Variants in CCNT2 observed in about 807,000 individuals in gnomAD.
CCNT2 encodes cyclin-T2.
A neutral mutation model predicts 70.0 loss-of-function variants in CCNT2; 18 were observed. The ratio of observed to expected loss-of-function variants is 0.26; its 90% confidence interval spans 0.18 to 0.38. The LOEUF (loss-of-function observed/expected upper bound fraction) is 0.38, where lower values mean the gene tolerates loss of function less well. Ranked by LOEUF, CCNT2 falls within the 10% of genes least tolerant of loss-of-function variation. The pLI is 1.00. For missense variants in CCNT2, 734 were observed against 890.2 expected, an observed-to-expected ratio of 0.82 and a Z score of 2.23; for synonymous variants, 334 against 313.3, an observed-to-expected ratio of 1.07 and a Z score of -0.70.
At chr2:134,920,019 A>G in intron 2 of CCNT2, 128 bp downstream of exon 2, 2 of 588,308 alleles carry the variant, frequency 3.4e-6, no homozygotes, top group Middle Eastern at 4.7e-4. Flanking sequence ...TCACGTGATA[A>G]ATATTTTGCT....
At chr2:134,944,735 G>A (rs1553523473) in intron 5 of CCNT2, 7 of 984,756 alleles carry the variant, frequency 7.1e-6, no homozygotes, top group Non-Finnish European at 8.4e-6. Flanking sequence ...TAAAAGTACT[G>A]TTTCATGTTT....
At chr2:134,943,987 G>T in intron 5 of CCNT2, 2 of 969,728 alleles carry the variant, frequency 2.1e-6, no homozygotes, top group Non-Finnish European at 2.5e-6. Context: ...TTTATACCTA[G>T]TGATTTATTA....
At chr2:134,946,693 T>C (rs1681996975) in intron 6 of CCNT2, among the ~76,000 whole-genome samples, 1 of 151,926 alleles carries the variant, frequency 6.6e-6, no homozygotes, top group Admixed American at 6.6e-5. Context: ...TTTTTTTTTT[T>C]TTTTAAACAA....
chr2:134,945,558 T>A, intron 5 of CCNT2: 4 of 985,388 alleles, frequency 4.1e-6, no homozygotes, highest in Non-Finnish European at 4.8e-6. Flanking sequence ...TCTGTACCCG[T>A]ATGCTGTTTC....
rs1364503401 is a variant in CCNT2 at position 134,957,053 on chromosome 2, T to C, written c.*2405T>C. 1 of 152,620 alleles carries C rather than the reference T, an allele frequency of 6.6e-6. No homozygotes were observed. Among genetic ancestry groups the C allele is most frequent in the African/African-American group, 2.4e-5 (1 of 41,458 alleles). 9.5% of individuals were successfully genotyped at this position (152,620 alleles called of 1,614,324 possible). A position where few individuals can be genotyped will look rare whatever the true frequency, so the allele number is the denominator to read the frequency against. Reference sequence around the variant, plus strand: ...TGAGCTATTCAAACTCTTCAACCCCTGAACAGGGTATTAAGCTTCCAAAAT... The same window carrying C: ...TGAGCTATTCAAACTCTTCAACCCCCGAACAGGGTATTAAGCTTCCAAAAT... On this transcript the variant is annotated 3_prime_UTR_variant, in exon 9 of 9. Coordinates refer to ENST00000264157, the MANE Select transcript of CCNT2 (RefSeq NM_058241.3).
At chr2:134,935,764 T>C (rs1246850743) in intron 2 of CCNT2, among the ~76,000 whole-genome samples, 2 of 152,166 alleles carry the variant, frequency 1.3e-5, no homozygotes, top group Non-Finnish European at 2.9e-5. Flanking sequence ...TTTGTAGTGC[T>C]TGTGTTCTTA....
intron 5 of CCNT2, chr2:134,945,066 C>T: frequency 1.0e-6 from 1 of 985,388 alleles, no homozygotes. Flanking sequence ...CTCCTTCCCT[C>T]CCCACCAGGA....
chr2:134,946,093 T>TC lies in CCNT2; in HGVS notation c.494-7dup, dbSNP rs1559108370. On this transcript the variant is annotated splice_region_variant and splice_polypyrimidine_tract_variant and intron_variant, in intron 5 of 8. Transcript: ENST00000264157. ...AGTATTGTCTTCGTTTTTTTTTTTT[T>TC]CTTACAGCAAGCAAGGATTTGGCAC... The TC allele has an allele frequency of 6.2e-7, 1 of 1,612,194 alleles. No individual in the cohort carries two copies. Among genetic ancestry groups the TC allele is most frequent in the South Asian group, 1.1e-5 (1 of 90,992 alleles).
rs770568165 is a variant in CCNT2, at chr2:134,918,923, C to T, written c.69C>T (p.Ser23=). 6.2e-7 allele frequency: 1 copy of T among 1,614,066 alleles called. No individual in the cohort carries two copies. Among genetic ancestry groups the T allele is most frequent in the Non-Finnish European group, 8.5e-7 (1 of 1,179,960 alleles). Residue 23 remains serine, a synonymous_variant, in exon 1 of 9, where the codon AGC becomes AGT. Transcript: ENST00000264157. ...GGGAACAGCTGGAGAACACGCCGAG[C>T]CGCCGCTGCGGAGTGGAGGCGGATA... ...FTREQLENTP[S]RRCGVEADKE...
chr2:134,943,273 C>T (rs529984293), intron 5 of CCNT2: 168 of 349,750 alleles, frequency 4.8e-4, no homozygotes, highest in African/African-American at 3.6e-3. Flanking sequence ...TGGTGGTACA[C>T]GCATGTAGTC....
intron 2 of CCNT2, among the ~76,000 whole-genome samples, chr2:134,932,491 C>T (rs12470730): frequency 0.23 from 35,105 of 152,018 alleles, 4,285 homozygotes; most frequent in East Asian, 0.4. Flanking sequence ...ATTTTGGGGC[C>T]GTTATTAACC....
chr2:134,939,699 C>G (rs539655617), intron 4 of CCNT2, among the ~76,000 whole-genome samples: 21 of 152,282 alleles, frequency 1.4e-4, no homozygotes, highest in Admixed American at 5.9e-4. Flanking sequence ...CTCCTGAGCT[C>G]AGGGAATCTG....
intron 8 of CCNT2, chr2:134,952,921 T>A: frequency 1.6e-5 from 8 of 493,538 alleles, no homozygotes; most frequent in Non-Finnish European, 2.9e-5. Context: ...TTTGCAGTGA[T>A]TATGACAAAA....
chr2:134,955,780 C>G lies in CCNT2; in HGVS notation c.*1132C>G. 1 of 152,232 alleles carries G rather than the reference C, an allele frequency of 6.6e-6. No individual in the cohort carries two copies. 9.4% of individuals were successfully genotyped at this position (152,232 alleles called of 1,614,324 possible). On this transcript the variant is annotated 3_prime_UTR_variant, in exon 9 of 9. Coordinates refer to ENST00000264157, the MANE Select transcript of CCNT2 (RefSeq NM_058241.3). ...CTTCCTTATAAAAATGAAATTAAAC[C>G]TATGCTCTCAATTCTTTTATATTCT...
rs568668120 is a variant in CCNT2, at chr2:134,932,370, G to C, written c.241-4471G>C. Among the ~76,000 whole-genome samples the C allele has an allele frequency of 7.9e-5, 12 of 152,062 alleles. 1 individual carries two copies. In the South Asian group the frequency reaches 2.5e-3, roughly 32 times the overall value. ...CCCACTAAATAATTTTTTAAATGCC[G>C]GTTATGTTAACCATTTTCAGTATAT... On this transcript the variant is annotated intron_variant, in intron 2 of 8. Coordinates refer to ENST00000264157, the MANE Select transcript of CCNT2 (RefSeq NM_058241.3).
intron 5 of CCNT2, chr2:134,944,657 A>G (rs1018168260): frequency 6.1e-6 from 6 of 982,118 alleles, no homozygotes; most frequent in Non-Finnish European, 7.3e-6. Flanking sequence ...AGTACAAACC[A>G]TATATATGTT....
chr2:134,953,156 A>C (rs906889312), intron 8 of CCNT2, 74 bp from the exon 9 acceptor site: 1 of 1,037,684 alleles, frequency 9.6e-7, no homozygotes, highest in South Asian at 1.7e-5. Flanking sequence ...TTAATATATA[A>C]CTTTTATAAG....
chr2:134,930,876 T>A (rs533888415), intron 2 of CCNT2, among the ~76,000 whole-genome samples: 6 of 152,320 alleles, frequency 3.9e-5, no homozygotes, highest in Admixed American at 3.9e-4. Flanking sequence ...TTATTTGTCT[T>A]TTCTTCCAAG....
intron 7 of CCNT2, among the ~76,000 whole-genome samples, chr2:134,950,347 T>TC (rs1416559122): frequency 5.9e-5 from 9 of 152,096 alleles, no homozygotes; most frequent in Non-Finnish European, 1.3e-4. Context: ...AGCTTTTTTT[T>TC]CTGTGTCAGT....
Sources: gnomAD v4.1 joint callset for allele counts (sites outside exome capture counted in the v4.1 genomes callset) on GRCh38, gnomAD v4.1.1 for gene constraint, MANE v1.5 for transcripts, NCBI Gene and HGNC (gene_info 2026-07-23, HGNC 2026-07-21) for gene names.